CSAD: variants seen among roughly 807,000 people sequenced by gnomAD.
CSAD encodes P-selectin cytoplasmic tail-associated protein.
A neutral mutation model predicts 61.5 loss-of-function variants in CSAD; 47 were observed. That is an observed-to-expected ratio of 0.76 (90% CI 0.60 to 0.97). The LOEUF is 0.97. Ranked by LOEUF, CSAD falls within the 50% of genes least tolerant of loss-of-function variation. The pLI is 0.00. For missense variants in CSAD, 611 were observed against 643.6 expected (o/e 0.95, Z 0.55); for synonymous variants, 245 against 252.7 (o/e 0.97, Z 0.29).
intron 10 of CSAD, among the ~76,000 whole-genome samples, chr12:53,162,018 G>A (rs151324208): frequency 0.028 from 4,215 of 151,596 alleles, 187 homozygotes; most frequent in African/African-American, 0.097. Context: ...CCAGCACTTT[G>A]AGAAGCCAAG....
intron 2 of CSAD, chr12:53,178,396 A>G (rs1941268832): frequency 2.2e-6 from 1 of 455,860 alleles, no homozygotes; most frequent in African/African-American, 2.0e-5. Flanking sequence ...GGAGGCTAAG[A>G]TGGGAGGATT....
chr12:53,173,848 A>G lies in CSAD; in HGVS notation c.-49-78T>C, dbSNP rs145241710. 4.7e-5 allele frequency: 68 copies of G among 1,445,542 alleles called. No individual in the cohort carries two copies. In the African/African-American group the frequency reaches 8.7e-4, roughly 18 times the overall value. The allele number at this position is 1,445,542 out of a possible 1,614,324, so 89.5% of individuals were successfully genotyped here. A position where few individuals can be genotyped will look rare whatever the true frequency, so the allele number is the denominator to read the frequency against. On this transcript the variant is annotated intron_variant, in intron 2 of 16. Transcript: ENST00000444623. ...TTAAGTGTTTTTTTCATAAATTCAC[A>G]AAGTTGTTGCAACCATCATCACTAT...
At chr12:53,177,662 G>C (rs981201809) in intron 2 of CSAD, among the ~76,000 whole-genome samples, 1 of 152,048 alleles carries the variant, frequency 6.6e-6, no homozygotes, top group African/African-American at 2.4e-5. Flanking sequence ...TTTTGAGACA[G>C]AGTTTCGCTC....
chr12:53,167,575 G>A (rs547435714), intron 10 of CSAD, among the ~76,000 whole-genome samples: 3 of 152,330 alleles, frequency 2.0e-5, no homozygotes, highest in Middle Eastern at 3.4e-3. Context: ...TGAAGGATCT[G>A]AATAGACATT....
chr12:53,178,628 C>T (rs1941287284), intron 2 of CSAD, among the ~76,000 whole-genome samples: 1 of 152,048 alleles, frequency 6.6e-6, no homozygotes, highest in Non-Finnish European at 1.5e-5. Flanking sequence ...TCCATCTCTA[C>T]TAAAAAATAC....
At chr12:53,161,743 G>T (rs1939305439) in intron 10 of CSAD, among the ~76,000 whole-genome samples, 1 of 152,032 alleles carries the variant, frequency 6.6e-6, no homozygotes, top group Non-Finnish European at 1.5e-5. Flanking sequence ...GATTGCCTGA[G>T]GCCAGGAGTT....
rs529903030 is a variant in CSAD at position 53,162,218 on chromosome 12, A to C, written c.703-829T>G. ...AACCCGGGAGGCAGAGGTTGCACTG[A>C]GCCAAGATCACACCATTGTACTCCA... On this transcript the variant is annotated intron_variant, in intron 10 of 16. Coordinates refer to ENST00000444623, the MANE Select transcript of CSAD (RefSeq NM_001244705.2). Among the ~76,000 whole-genome samples, 30 of 151,968 alleles carry C rather than the reference A, an allele frequency of 2.0e-4. No individual in the cohort carries two copies. The East Asian group carries it at 5.7e-3, about 29-fold the overall frequency.
chr12:53,171,667 C>T (rs566872027), intron 7 of CSAD: 76 of 621,092 alleles, frequency 1.2e-4, no homozygotes, highest in African/African-American at 1.0e-3. Flanking sequence ...AGCCCCCGTC[C>T]GGAGATAGCA....
At chr12:53,165,104 G>C (rs1442543016) in intron 10 of CSAD, among the ~76,000 whole-genome samples, 1 of 152,196 alleles carries the variant, frequency 6.6e-6, no homozygotes, top group African/African-American at 2.4e-5. Flanking sequence ...AGAATGGCTT[G>C]AGCCTAGGAG....
chr12:53,175,913 G>T (rs1219691079), intron 2 of CSAD, among the ~76,000 whole-genome samples: 1 of 152,164 alleles, frequency 6.6e-6, no homozygotes, highest in Non-Finnish European at 1.5e-5. Flanking sequence ...CTGAAAGAAG[G>T]TGAACTAATT....
chr12:53,174,714 C>A (rs1041282262), intron 2 of CSAD, among the ~76,000 whole-genome samples: 1 of 152,064 alleles, frequency 6.6e-6, no homozygotes, highest in African/African-American at 2.4e-5. Context: ...TCCACCTGAA[C>A]CTGTGAGGCG....
At chr12:53,172,871 C>A (rs1372097363) in intron 4 of CSAD, among the ~76,000 whole-genome samples, 2 of 152,158 alleles carry the variant, frequency 1.3e-5, no homozygotes, top group African/African-American at 4.8e-5. Flanking sequence ...GGGGAGAAAT[C>A]TTATCAAAGG....
chr12:53,160,655 G>C (rs1364994186), intron 13 of CSAD, 108 bp downstream of exon 13: 5 of 966,478 alleles, frequency 5.2e-6, no homozygotes, highest in Non-Finnish European at 8.0e-6. Context: ...AGCTTCAGAA[G>C]GGATGGTAAA....
At chr12:53,173,686 G>A in intron 3 of CSAD, 42 bp downstream of exon 3, 1 of 1,484,804 alleles carries the variant, frequency 6.7e-7, no homozygotes. Context: ...TGAGCAAGTG[G>A]ACTCTAGTGG....
At chr12:53,173,617 T>C in intron 3 of CSAD, 111 bp downstream of exon 3, 1 of 1,504,318 alleles carries the variant, frequency 6.6e-7, no homozygotes, top group Non-Finnish European at 9.2e-7. Flanking sequence ...CAAGGGCAAG[T>C]GAGAGTGCCC....
At chr12:53,165,212 G>A (rs983675024) in intron 10 of CSAD, among the ~76,000 whole-genome samples, 1 of 152,022 alleles carries the variant, frequency 6.6e-6, no homozygotes, top group African/African-American at 2.4e-5. Flanking sequence ...GTGGCAGCCT[G>A]TGCCTGTGGT....
At chr12:53,161,758 A>G (rs1939308991) in intron 10 of CSAD, among the ~76,000 whole-genome samples, 1 of 152,086 alleles carries the variant, frequency 6.6e-6, no homozygotes, top group African/African-American at 2.4e-5. Context: ...GGAGTTCAAG[A>G]CCAGCCTGGG....
At chr12:53,160,442 T>G (rs974056652) in intron 13 of CSAD, 123 bp from the exon 14 acceptor site, 5 of 990,158 alleles carry the variant, frequency 5.0e-6, no homozygotes, top group Non-Finnish European at 7.7e-6. Flanking sequence ...ATGGCACTGC[T>G]GGGACGGCTG....
At chr12:53,174,307 CAA>C (rs5798236) in intron 2 of CSAD, among the ~76,000 whole-genome samples, 101 of 102,870 alleles carry the variant, frequency 9.8e-4, no homozygotes, top group African/African-American at 2.0e-3. Flanking sequence ...GACTCCATCT[CAA>C]AAAAAAAAAA....
Sources: gnomAD v4.1 joint callset for allele counts (sites outside exome capture counted in the v4.1 genomes callset) on GRCh38, gnomAD v4.1.1 for gene constraint, MANE v1.5 for transcripts, NCBI Gene and HGNC (gene_info 2026-07-23, HGNC 2026-07-21) for gene names.